ZNF248: variants seen among roughly 807,000 people sequenced by gnomAD.
The protein encoded by ZNF248 is zinc finger protein 248.
In ZNF248, 20 loss-of-function variants were observed where a neutral mutation model predicts 44.3. The observed-to-expected ratio is 0.45, with a 90% CI of 0.32 to 0.66. ZNF248 has a LOEUF of 0.66. Among genes scored for constraint, ZNF248 ranks in the 30% least tolerant of loss-of-function variants. ZNF248 has a pLI of 0.04. For synonymous variants in ZNF248, 224 were observed against 229.0 expected (o/e 0.98, Z 0.20); for missense variants, 654 against 677.0 (o/e 0.97, Z 0.38).
At chr10:37,849,560 G>T (rs1279179630) in intron 3 of ZNF248, among the ~76,000 whole-genome samples, 1 of 151,932 alleles carries the variant, frequency 6.6e-6, no homozygotes, top group Non-Finnish European at 1.5e-5. Context: ...GGTGGAGGGC[G>T]CCTGTAGTCC....
intron 3 of ZNF248, among the ~76,000 whole-genome samples, chr10:37,847,577 T>C (rs2059532113): frequency 6.6e-6 from 1 of 152,152 alleles, no homozygotes; most frequent in African/African-American, 2.4e-5. Context: ...CAGAATAAAA[T>C]GTATATACAG....
At chr10:37,759,162 C>A in the ZNF248 span, among the ~76,000 whole-genome samples, 1 of 152,150 alleles carries the variant, frequency 6.6e-6, no homozygotes. Context: ...ATTTGAAAAG[C>A]AGTAAAACAT....
chr10:37,761,565 G>A, the ZNF248 span, among the ~76,000 whole-genome samples: 1 of 152,160 alleles, frequency 6.6e-6, no homozygotes, highest in Non-Finnish European at 1.5e-5. Flanking sequence ...ATTTTCTTGT[G>A]CTGATGCAAT....
At chr10:37,825,063 TC>T (rs1186930056), downstream of ZNF248, among the ~76,000 whole-genome samples, 3 of 151,904 alleles carry the variant, frequency 2.0e-5, no homozygotes, top group African/African-American at 7.3e-5. Flanking sequence ...AAAGTATATC[TC>T]CCAGAAATGA....
At chr10:37,771,371 C>A in the ZNF248 span, among the ~76,000 whole-genome samples, 1 of 152,036 alleles carries the variant, frequency 6.6e-6, no homozygotes, top group African/African-American at 2.4e-5. Flanking sequence ...TGGAACCAAC[C>A]CAAATGTCCA....
chr10:37,805,781 T>C (rs1180367967), intron 6 of ZNF248, among the ~76,000 whole-genome samples: 1 of 152,150 alleles, frequency 6.6e-6, no homozygotes, highest in Non-Finnish European at 1.5e-5. Flanking sequence ...CTAAAAAAAG[T>C]GTTGGGTGGT....
At chr10:37,783,077 T>G (rs2047500540) in intron 6 of ZNF248, among the ~76,000 whole-genome samples, 1 of 152,142 alleles carries the variant, frequency 6.6e-6, no homozygotes. Context: ...GCTAGAAACC[T>G]TTTTTGGGTA....
intron 6 of ZNF248, among the ~76,000 whole-genome samples, chr10:37,786,575 T>G (rs2047896116): frequency 6.6e-6 from 1 of 152,190 alleles, no homozygotes; most frequent in South Asian, 2.1e-4. Context: ...GGTTGCATAG[T>G]TTTAATGTAA....
At chr10:37,807,158 T>C (rs1312737589) in intron 6 of ZNF248, among the ~76,000 whole-genome samples, 1 of 152,030 alleles carries the variant, frequency 6.6e-6, no homozygotes, top group Non-Finnish European at 1.5e-5. Flanking sequence ...AGCATCATTT[T>C]TTTAAGACTG....
chr10:37,797,360 C>T (rs2049277569), intron 6 of ZNF248, among the ~76,000 whole-genome samples: 1 of 151,980 alleles, frequency 6.6e-6, no homozygotes, highest in Admixed American at 6.6e-5. Context: ...TTGAGGAAAA[C>T]ATAGGGCAAA....
intron 3 of ZNF248, among the ~76,000 whole-genome samples, chr10:37,853,412 C>G (rs2060672654): frequency 6.6e-6 from 1 of 152,192 alleles, no homozygotes; most frequent in African/African-American, 2.4e-5. Context: ...GAGTCTCGCT[C>G]TGTCGCCCAG....
chr10:37,837,505 T>G (rs995514896), intron 5 of ZNF248, 112 bp downstream of exon 5: 23 of 823,884 alleles, frequency 2.8e-5, no homozygotes, highest in Admixed American at 2.0e-4. Flanking sequence ...TCCAAAGGTC[T>G]GGGGCTAAAA....
chr10:37,832,502 A>C lies in ZNF248; in HGVS notation c.853T>G (p.Phe285Val). ...TTTGTAAGAGCTCTCTGATGTCCAA[A>C]CCTTAAATTCATGCAGAAGGACTTC... Reference protein sequence around the residue: ...CGKSFCMNLRFGHQRALTKDN... With the variant: ...CGKSFCMNLRVGHQRALTKDN... The change falls in exon 6 of 6, where the codon TTT becomes GTT. Residue 285 changes from phenylalanine (F) to valine (V), a missense_variant. Phe to Val is a conservative substitution (Grantham distance 50). Transcript: ENST00000395867. 6.2e-7 allele frequency: 1 copy of C among 1,613,876 alleles called. No homozygotes were observed.
chr10:37,829,575 G>A lies in ZNF248; in HGVS notation c.*2040C>T, dbSNP rs2055066169. The A allele has an allele frequency of 3.0e-6, 3 of 985,368 alleles. No homozygotes were observed. The highest frequency in any genetic ancestry group is 9.4e-5 in the South Asian group (2 of 21,282). 61.0% of individuals were successfully genotyped at this position (985,368 alleles called of 1,614,324 possible). On this transcript the variant is annotated 3_prime_UTR_variant, in exon 6 of 6. Coordinates refer to ENST00000395867, the MANE Select transcript of ZNF248 (RefSeq NM_021045.3). ...TAAGACCAAATAAAAAACAGTTATT[G>A]AGGGTTATAAAAAGTCCCAGTAGAG...
chr10:37,827,855 G>C (rs2054636528), downstream of ZNF248, among the ~76,000 whole-genome samples: 1 of 152,152 alleles, frequency 6.6e-6, no homozygotes, highest in Non-Finnish European at 1.5e-5. Flanking sequence ...GGTAGGGTGT[G>C]AAGTGACAGG....
the ZNF248 span, among the ~76,000 whole-genome samples, chr10:37,769,119 G>A: frequency 1.3e-5 from 2 of 152,126 alleles, no homozygotes; most frequent in African/African-American, 4.8e-5. Context: ...CTGAAATTGT[G>A]GCAATAGTCA....
chr10:37,847,025 G>T (rs2059434968), intron 3 of ZNF248, among the ~76,000 whole-genome samples: 1 of 152,050 alleles, frequency 6.6e-6, no homozygotes, highest in African/African-American at 2.4e-5. Flanking sequence ...CTGTATTGTG[G>T]TGTTTTGTTG....
chr10:37,819,090 T>G, intron 6 of ZNF248: 1 of 789,220 alleles, frequency 1.3e-6, no homozygotes, highest in Non-Finnish European at 2.3e-6. Flanking sequence ...AGCTCTGTAA[T>G]TTTTCTCTCT....
intron 6 of ZNF248, among the ~76,000 whole-genome samples, chr10:37,816,690 T>G (rs2052525310): frequency 6.6e-6 from 1 of 152,206 alleles, no homozygotes; most frequent in Non-Finnish European, 1.5e-5. Context: ...TGACCTTTCC[T>G]GTACACTCAT....
Sources: allele counts gnomAD v4.1 joint callset (sites outside exome capture counted in the v4.1 genomes callset), GRCh38; gene constraint gnomAD v4.1.1; transcripts MANE v1.5; gene names NCBI Gene and HGNC (gene_info 2026-07-23, HGNC 2026-07-21).